The following PPM1A variants were observed in gnomAD, a reference collection of about 807,000 sequenced individuals.
The protein encoded by PPM1A is protein phosphatase 1A.
In PPM1A, 7 loss-of-function variants were observed where a neutral mutation model predicts 35.0. The ratio of observed to expected loss-of-function variants is 0.20; its 90% CI spans 0.11 to 0.38. The LOEUF is 0.38. Among genes scored for constraint, PPM1A ranks in the 10% least tolerant of loss-of-function variants. PPM1A has a pLI of 1.00. For synonymous variants in PPM1A, 153 were observed against 167.3 expected, an observed-to-expected ratio of 0.91 and a Z score of 0.66; for missense variants, 239 against 467.8, an observed-to-expected ratio of 0.51 and a Z score of 4.51.
intron 3 of PPM1A, chr14:60,287,781 T>A (rs1046716745): frequency 1.0e-6 from 1 of 982,370 alleles, no homozygotes; most frequent in African/African-American, 1.7e-5. Context: ...ATTAATTTTG[T>A]GGTCCTTCTA....
chr14:60,272,514 G>A (rs775612248), intron 1 of PPM1A, among the ~76,000 whole-genome samples: 3 of 151,710 alleles, frequency 2.0e-5, no homozygotes, highest in Non-Finnish European at 2.9e-5. Flanking sequence ...TGAGACCAGC[G>A]TAGCCAACAT....
At chr14:60,290,246 T>C (rs17097291) in intron 4 of PPM1A, among the ~76,000 whole-genome samples, 1,929 of 152,260 alleles carry the variant, frequency 0.013, 43 homozygotes, top group African/African-American at 0.044. Flanking sequence ...ATTCTAAGTG[T>C]CGTTGTTAGT....
chr14:60,287,555 CT>C, intron 3 of PPM1A: 1 of 985,200 alleles, frequency 1.0e-6, no homozygotes, highest in Non-Finnish European at 1.2e-6. Flanking sequence ...ATGCCTTTTT[CT>C]TTTCTCTCTC....
upstream of PPM1A, among the ~76,000 whole-genome samples, chr14:60,247,812 T>C (rs553177588): frequency 9.2e-5 from 14 of 152,140 alleles, no homozygotes; most frequent in African/African-American, 2.7e-4. Flanking sequence ...GTTTAGGAGA[T>C]AGAAAGTAGT....
intron 1 of PPM1A, among the ~76,000 whole-genome samples, chr14:60,261,542 A>G (rs1266604812): frequency 6.6e-6 from 1 of 152,092 alleles, no homozygotes; most frequent in Non-Finnish European, 1.5e-5. Flanking sequence ...GTTTGTTCCA[A>G]CATCTTTGGA....
At chr14:60,290,978 G>C (rs1022248164) in intron 4 of PPM1A, among the ~76,000 whole-genome samples, 11 of 152,022 alleles carry the variant, frequency 7.2e-5, no homozygotes, top group African/African-American at 2.7e-4. Context: ...AGGGCATTAA[G>C]AAAAGTAGAA....
chr14:60,256,315 T>C (rs1180850646), intron 1 of PPM1A, among the ~76,000 whole-genome samples: 1 of 152,106 alleles, frequency 6.6e-6, no homozygotes, highest in African/African-American at 2.4e-5. Flanking sequence ...CCGCCTGTAG[T>C]CCCAGCTACC....
upstream of PPM1A, among the ~76,000 whole-genome samples, chr14:60,246,285 T>C (rs1309670049): frequency 1.3e-5 from 2 of 152,148 alleles, no homozygotes; most frequent in African/African-American, 4.8e-5. Context: ...GTCACAATTG[T>C]GGTGGAAAGG....
At chr14:60,281,816 T>C in intron 1 of PPM1A, among the ~76,000 whole-genome samples, 1 of 152,226 alleles carries the variant, frequency 6.6e-6, no homozygotes, top group Non-Finnish European at 1.5e-5. Context: ...GGGCTGTCAC[T>C]AGACCCTTTG....
intron 1 of PPM1A, chr14:60,257,011 A>G (rs1394191153): frequency 1.3e-5 from 2 of 152,236 alleles, no homozygotes; most frequent in Non-Finnish European, 2.9e-5. Flanking sequence ...GTATATTATC[A>G]TATGTTAGCT....
At chr14:60,276,601 G>C (rs1885787484) in intron 1 of PPM1A, among the ~76,000 whole-genome samples, 1 of 152,062 alleles carries the variant, frequency 6.6e-6, no homozygotes, top group Non-Finnish European at 1.5e-5. Context: ...TATAAAGCCT[G>C]GGGGGCGTTC....
In PPM1A at chr14:60,295,208, T is replaced by C. The variant is rs554010739; in HGVS notation, c.*2726T>C. On this transcript the variant is annotated 3_prime_UTR_variant, in exon 6 of 6. Coordinates refer to ENST00000395076, the MANE Select transcript of PPM1A (RefSeq NM_021003.5). ...GCTATGAATAGGAAATAACATTTTGTATAGCAGGCTCTGTTTTACCCTAAC... is the reference window on the plus strand; with the variant it reads ...GCTATGAATAGGAAATAACATTTTGCATAGCAGGCTCTGTTTTACCCTAAC... The C allele has an allele frequency of 6.6e-6, 1 of 151,932 alleles. No homozygotes were observed. Among genetic ancestry groups the C allele is most frequent in the East Asian group, 1.9e-4 (1 of 5,188 alleles). 9.4% of individuals were successfully genotyped at this position (151,932 alleles called of 1,614,324 possible). A position where few individuals can be genotyped will look rare whatever the true frequency, so the allele number is the denominator to read the frequency against.
chr14:60,280,194 CG>C (rs1465844925), intron 1 of PPM1A, among the ~76,000 whole-genome samples: 1 of 151,968 alleles, frequency 6.6e-6, no homozygotes, highest in Non-Finnish European at 1.5e-5. Context: ...TTAGTAGAGA[CG>C]GGGTTTCACC....
chr14:60,255,328 C>T (rs986729794), intron 1 of PPM1A, among the ~76,000 whole-genome samples: 6 of 150,848 alleles, frequency 4.0e-5, no homozygotes, highest in East Asian at 3.9e-4. Flanking sequence ...CCCGCTACCA[C>T]GCCCGGCTAA....
intron 1 of PPM1A, among the ~76,000 whole-genome samples, chr14:60,254,765 A>G (rs896616092): frequency 2.0e-5 from 3 of 152,190 alleles, no homozygotes; most frequent in Admixed American, 6.5e-5. Flanking sequence ...CCCTGATTCT[A>G]TAAACCATCA....
At chr14:60,245,892 T>TG, upstream of PPM1A, 1 of 1,591,524 alleles carries the variant, frequency 6.3e-7, no homozygotes, top group Non-Finnish European at 8.6e-7. The surrounding 1 kb of genome is among the most constrained non-coding windows in gnomAD (Gnocchi z 4.2). Context: ...CTACAATTTG[T>TG]ACTAAGCTAA....
chr14:60,253,159 AAT>A (rs1282905949), intron 1 of PPM1A, among the ~76,000 whole-genome samples: 1 of 152,116 alleles, frequency 6.6e-6, no homozygotes, highest in Non-Finnish European at 1.5e-5. Flanking sequence ...TATAATTCTT[AAT>A]ATGTTTATTT....
chr14:60,282,907 C>G lies in PPM1A; in HGVS notation c.204C>G (p.Ala68=), dbSNP rs1174730188. The G allele has an allele frequency of 1.2e-6, 2 of 1,614,034 alleles. No homozygotes were observed. The highest frequency in any genetic ancestry group is 3.3e-5 in the Admixed American group (2 of 60,002). Residue 68 remains alanine, a synonymous_variant, in exon 2 of 6, where the codon GCC becomes GCG. Transcript: ENST00000395076. This position sits in a 1 kb window ranked among gnomAD's most constrained non-coding sequence, Gnocchi z 5.1. ...ATGGGCATGCTGGTTCTCAGGTTGC[C>G]AAATACTGCTGTGAGCATTTGTTAG... The part of the protein sequence containing the change: ...VYDGHAGSQV[A]KYCCEHLLDH...
In PPM1A at chr14:60,292,598, A is replaced by AGAAT. The variant is rs886564788; in HGVS notation, c.*119_*122dup. 3.7e-6 allele frequency: 3 copies of AGAAT among 820,506 alleles called. No homozygotes were observed. The African/African-American group carries it at 5.2e-5, about 14-fold the overall frequency. 50.8% of individuals were successfully genotyped at this position (820,506 alleles called of 1,614,324 possible). ...TAAGGAAGGGGATATGACATGGGTG[A>AGAAT]GAATGATTACATCAGAGAACTTCAG... is the stretch of plus-strand genomic sequence containing the variant. On this transcript the variant is annotated 3_prime_UTR_variant, in exon 6 of 6. Transcript: ENST00000395076. This position sits in a 1 kb window ranked among gnomAD's most constrained non-coding sequence, Gnocchi z 4.2.
Sources: gnomAD v4.1 joint callset for allele counts (sites outside exome capture counted in the v4.1 genomes callset) on GRCh38, gnomAD v4.1.1 for gene constraint, Gnocchi (gnomAD v3.1) non-coding constraint, MANE v1.5 for transcripts, NCBI Gene and HGNC (gene_info 2026-07-23, HGNC 2026-07-21) for gene names.